Variants in MARCHF4 observed in about 807,000 individuals in gnomAD.
MARCHF4 encodes membrane associated ring-CH-type finger 4, also known as E3 ubiquitin-protein ligase MARCHF4.
MARCHF4 carries 14 observed loss-of-function variants against 43.9 expected under a neutral mutation model. The observed-to-expected ratio is 0.32, with a 90% CI of 0.21 to 0.50. The LOEUF (loss-of-function observed/expected upper bound fraction) is 0.50, where lower values mean the gene tolerates loss of function less well. Ranked by LOEUF, MARCHF4 falls within the 20% of genes least tolerant of loss-of-function variation. MARCHF4 has a pLI of 0.98. For synonymous variants in MARCHF4, 226 were observed against 213.3 expected (o/e 1.06, Z -0.52); for missense variants, 468 against 536.7 (o/e 0.87, Z 1.27).
At chr2:216,266,824 A>G (rs1056700763) in intron 3 of MARCHF4, among the ~76,000 whole-genome samples, 1 of 152,202 alleles carries the variant, frequency 6.6e-6, no homozygotes, top group East Asian at 1.9e-4. Context: ...GGGAAAGGCC[A>G]GGTTGACAAC....
intron 1 of MARCHF4, among the ~76,000 whole-genome samples, chr2:216,329,197 G>T (rs1475440690): frequency 6.6e-6 from 1 of 152,122 alleles, no homozygotes; most frequent in African/African-American, 2.4e-5. Context: ...CGGCTAACAT[G>T]GTGAAACCCC....
intron 1 of MARCHF4, among the ~76,000 whole-genome samples, chr2:216,363,515 A>G (rs1222763821): frequency 2.0e-5 from 3 of 152,316 alleles, no homozygotes; most frequent in South Asian, 2.1e-4. Context: ...TTATCTCCCA[A>G]TAGAGAATTA....
intron 1 of MARCHF4, among the ~76,000 whole-genome samples, chr2:216,342,685 C>T (rs140839480): frequency 2.6e-4 from 39 of 152,046 alleles, no homozygotes; most frequent in African/African-American, 7.7e-4. Flanking sequence ...ACTCAGAGAC[C>T]CCCTAGGAGG....
intron 3 of MARCHF4, among the ~76,000 whole-genome samples, chr2:216,263,765 A>G (rs1013161394): frequency 2.0e-5 from 3 of 152,126 alleles, no homozygotes; most frequent in Non-Finnish European, 2.9e-5. Flanking sequence ...TTCTCAGGAC[A>G]CAGCCATGCT....
At chr2:216,353,734 G>A (rs1329487382) in intron 1 of MARCHF4, among the ~76,000 whole-genome samples, 1 of 152,188 alleles carries the variant, frequency 6.6e-6, no homozygotes, top group East Asian at 1.9e-4. Flanking sequence ...TTTTAGTAGA[G>A]ACAGGGTTTT....
chr2:216,369,771 G>T lies in MARCHF4; in HGVS notation c.490C>A (p.Arg164Ser). 1 of 1,600,650 alleles carries T rather than the reference G, an allele frequency of 6.2e-7. No individual in the cohort carries two copies. The highest frequency in any genetic ancestry group is 8.5e-7 in the Non-Finnish European group (1 of 1,170,848). The change falls in exon 1 of 4, where the codon CGC becomes AGC. Residue 164 changes from arginine to serine, a missense_variant. Coordinates refer to ENST00000273067, the MANE Select transcript of MARCHF4 (RefSeq NM_020814.3). Reference sequence around the variant, plus strand: ...TGTTCTGGCCCCTGGAAGCAGATGCGGCAGAGTGGGGTCCTCATACCACTG... The same window carrying T: ...TGTTCTGGCCCCTGGAAGCAGATGCTGCAGAGTGGGGTCCTCATACCACTG... The part of the protein sequence containing the change: ...LDSGMRTPLC[R>S]ICFQGPEQGE...
intron 1 of MARCHF4, among the ~76,000 whole-genome samples, chr2:216,360,941 A>G (rs61440919): frequency 0.035 from 5,272 of 152,142 alleles, 282 homozygotes; most frequent in African/African-American, 0.12. Context: ...CAGCCTCCCA[A>G]AGTGCTGGGA....
chr2:216,292,007 C>T (rs206371), intron 1 of MARCHF4, among the ~76,000 whole-genome samples: 150,008 of 152,330 alleles, frequency 0.98, 73,891 homozygotes, highest in East Asian at 1. Context: ...CCTTACCTTC[C>T]TTGTCCCTAT....
chr2:216,329,539 T>TA (rs1271815638), intron 1 of MARCHF4, among the ~76,000 whole-genome samples: 2 of 150,732 alleles, frequency 1.3e-5, no homozygotes, highest in Non-Finnish European at 3.0e-5. Context: ...GAAGAACATA[T>TA]AACTGAGAAG....
intron 1 of MARCHF4, among the ~76,000 whole-genome samples, chr2:216,311,378 C>T (rs1186426036): frequency 6.6e-6 from 1 of 152,120 alleles, no homozygotes; most frequent in East Asian, 1.9e-4. Context: ...CTGCCTCATC[C>T]TCCTGAGTAG....
At chr2:216,360,026 T>A (rs1397244441) in intron 1 of MARCHF4, among the ~76,000 whole-genome samples, 1 of 152,116 alleles carries the variant, frequency 6.6e-6, no homozygotes, top group Non-Finnish European at 1.5e-5. Flanking sequence ...GATTTCCTAC[T>A]AATACACGGT....
At chr2:216,300,881 T>G (rs1691483180) in intron 1 of MARCHF4, among the ~76,000 whole-genome samples, 1 of 152,152 alleles carries the variant, frequency 6.6e-6, no homozygotes, top group South Asian at 2.1e-4. Context: ...CTTTCTGATC[T>G]GGGTCCACTA....
chr2:216,311,928 A>G (rs1306482469), intron 1 of MARCHF4, among the ~76,000 whole-genome samples: 1 of 152,214 alleles, frequency 6.6e-6, no homozygotes, highest in Non-Finnish European at 1.5e-5. Context: ...AGTTGTATAC[A>G]TTGATTATAA....
In MARCHF4 at chr2:216,369,757, C is replaced by T. The variant is rs1692723455; in HGVS notation, c.504G>A (p.Gln168=). ...AAAGGGGACTCACCTGTTCTGGCCCCTGGAAGCAGATGCGGCAGAGTGGGG... is the reference window on the plus strand; with the variant it reads ...AAAGGGGACTCACCTGTTCTGGCCCTTGGAAGCAGATGCGGCAGAGTGGGG... ...MRTPLCRICF[Q]GPEQGELLSP... The change falls in exon 1 of 4, where the codon CAG becomes CAA. Residue 168 remains glutamine (Q), a synonymous_variant. Transcript: ENST00000273067. 1 of 1,592,986 alleles carries T rather than the reference C, an allele frequency of 6.3e-7. No homozygotes were observed. The highest frequency in any genetic ancestry group is 2.2e-5 in the East Asian group (1 of 44,478).
chr2:216,268,224 G>A (rs892217810), intron 3 of MARCHF4, among the ~76,000 whole-genome samples: 4 of 152,194 alleles, frequency 2.6e-5, no homozygotes, highest in Non-Finnish European at 5.9e-5. Context: ...GGAACCTGGA[G>A]GTTGTCGGTT....
In MARCHF4 at chr2:216,283,252, T is replaced by G. The variant is rs535354609; in HGVS notation, c.672+322A>C. Among the ~76,000 whole-genome samples the G allele has an allele frequency of 4.6e-5, 7 of 152,104 alleles. No homozygotes were observed. The East Asian group carries it at 1.4e-3, about 29-fold the overall frequency. On this transcript the variant is annotated intron_variant, in intron 2 of 3. Coordinates refer to ENST00000273067, the MANE Select transcript of MARCHF4 (RefSeq NM_020814.3). The stretch of plus-strand genomic sequence containing the variant: ...TTCCTTTCCTTTCCTTCTTTCTTCC[T>G]CTCCTTTCTGCATTCATTTATTCAT...
In MARCHF4 at chr2:216,283,616, G is replaced by A. The variant is rs1691168024; in HGVS notation, c.630C>T (p.Tyr210=). 1 of 1,613,140 alleles carries A rather than the reference G, an allele frequency of 6.2e-7. No homozygotes were observed. The highest frequency in any genetic ancestry group is 1.7e-4 in the Middle Eastern group (1 of 6,058). The change falls in exon 2 of 4, where the codon TAC becomes TAT. Residue 210 remains tyrosine, a synonymous_variant. Transcript: ENST00000273067. ...RGCWSCELCY[Y]KYHVIAISTK... is the part of the protein sequence containing the mutation. ...TGCTTATGGCGATGACGTGGTACTT[G>A]TAGTAGCACAGCTCGCAGCTCCAGC...
At chr2:216,345,737 G>T (rs1692309779) in intron 1 of MARCHF4, among the ~76,000 whole-genome samples, 1 of 152,266 alleles carries the variant, frequency 6.6e-6, no homozygotes, top group South Asian at 2.1e-4. Flanking sequence ...CATGAGCCTG[G>T]ATTCCTGTTT....
chr2:216,286,569 G>A (rs1024769220), intron 1 of MARCHF4, among the ~76,000 whole-genome samples: 3 of 151,854 alleles, frequency 2.0e-5, no homozygotes, highest in Admixed American at 2.0e-4. Flanking sequence ...ACAACAAACT[G>A]TTAGAAAAGT....
Sources: allele counts gnomAD v4.1 joint callset (sites outside exome capture counted in the v4.1 genomes callset), GRCh38; gene constraint gnomAD v4.1.1; transcripts MANE v1.5; gene names NCBI Gene and HGNC (gene_info 2026-07-23, HGNC 2026-07-21).